Variants in SHISA6 observed in about 807,000 individuals in gnomAD.
SHISA6 encodes protein shisa-6.
In SHISA6, 22 loss-of-function variants were observed where a neutral mutation model predicts 47.9. The observed-to-expected ratio is 0.46, with a 90% CI of 0.33 to 0.66. SHISA6 has a LOEUF of 0.66. Ranked by LOEUF, SHISA6 falls within the 30% of genes least tolerant of loss-of-function variation. The pLI, the probability that SHISA6 is intolerant of heterozygous loss-of-function variation, is 0.02. For missense variants in SHISA6, 680 were observed against 764.6 expected, an observed-to-expected ratio of 0.89 and a Z score of 1.30; for synonymous variants, 388 against 337.8, an observed-to-expected ratio of 1.15 and a Z score of -1.63.
At chr17:11,253,467 A>G (rs904498133) in intron 1 of SHISA6, among the ~76,000 whole-genome samples, 8 of 152,182 alleles carry the variant, frequency 5.3e-5, no homozygotes, top group African/African-American at 1.4e-4. Context: ...TTAATTCCAA[A>G]TCATTCTTAT....
At chr17:11,260,309 T>C (rs1908180101) in intron 1 of SHISA6, among the ~76,000 whole-genome samples, 1 of 152,092 alleles carries the variant, frequency 6.6e-6, no homozygotes, top group South Asian at 2.1e-4. Context: ...TATCAGATAT[T>C]GCAGCAAAAA....
At chr17:11,524,428 A>G (rs973105809) in intron 3 of SHISA6, among the ~76,000 whole-genome samples, 2 of 152,108 alleles carry the variant, frequency 1.3e-5, no homozygotes, top group Non-Finnish European at 2.9e-5. Context: ...CAAGGTATTT[A>G]TCTAGGTAGT....
intron 2 of SHISA6, among the ~76,000 whole-genome samples, chr17:11,372,756 T>G (rs1912669608): frequency 6.6e-6 from 1 of 152,098 alleles, no homozygotes; most frequent in South Asian, 2.1e-4. Flanking sequence ...GTCTGTGGTA[T>G]ATTTTTCCAT....
intron 3 of SHISA6, among the ~76,000 whole-genome samples, chr17:11,495,526 T>C (rs1159715333): frequency 6.6e-6 from 1 of 152,140 alleles, no homozygotes; most frequent in African/African-American, 2.4e-5. Flanking sequence ...CTTCTGTTTG[T>C]TGCAATGCTG....
At chr17:11,429,881 C>T (rs1914704284) in intron 3 of SHISA6, among the ~76,000 whole-genome samples, 1 of 149,538 alleles carries the variant, frequency 6.7e-6, no homozygotes, top group Admixed American at 6.7e-5. Flanking sequence ...AAACAATAAA[C>T]TTTAAACTTT....
At chr17:11,430,936 A>C (rs1350685411) in intron 3 of SHISA6, among the ~76,000 whole-genome samples, 2 of 152,236 alleles carry the variant, frequency 1.3e-5, no homozygotes, top group African/African-American at 2.4e-5. Context: ...TCCTCACATC[A>C]GAGCAGCTTG....
intron 2 of SHISA6, among the ~76,000 whole-genome samples, chr17:11,294,029 G>T (rs1392944898): frequency 6.6e-6 from 1 of 152,060 alleles, no homozygotes; most frequent in African/African-American, 2.4e-5. Context: ...GGGACTACAG[G>T]TGCGCACCAC....
chr17:11,505,711 C>T (rs1008121094), intron 3 of SHISA6, among the ~76,000 whole-genome samples: 1 of 152,112 alleles, frequency 6.6e-6, no homozygotes, highest in African/African-American at 2.4e-5. Context: ...AAAATTAAGT[C>T]CCAGATGCAT....
chr17:11,265,801 T>C (rs747965755), intron 2 of SHISA6, among the ~76,000 whole-genome samples: 1 of 152,232 alleles, frequency 6.6e-6, no homozygotes. Context: ...GTGGACAGTC[T>C]GGATTTGCCC....
intron 2 of SHISA6, chr17:11,288,362 T>C (rs1441643448): frequency 6.6e-6 from 1 of 152,170 alleles, no homozygotes; most frequent in Admixed American, 6.5e-5. Flanking sequence ...AACAAAATTT[T>C]TTTCACACCT....
At chr17:11,498,671 T>C (rs930124316) in intron 3 of SHISA6, among the ~76,000 whole-genome samples, 2 of 151,588 alleles carry the variant, frequency 1.3e-5, no homozygotes, top group Non-Finnish European at 2.9e-5. Flanking sequence ...ACAATAATAA[T>C]AAAAAGAAGG....
At chr17:11,393,632 ACT>A (rs1016533918) in intron 3 of SHISA6, among the ~76,000 whole-genome samples, 3 of 151,864 alleles carry the variant, frequency 2.0e-5, no homozygotes, top group African/African-American at 7.3e-5. Flanking sequence ...ATTAACCCTA[ACT>A]CTTTGGAACA....
chr17:11,449,966 G>A (rs369823998), intron 3 of SHISA6, among the ~76,000 whole-genome samples: 3 of 152,290 alleles, frequency 2.0e-5, no homozygotes, highest in African/African-American at 2.4e-5. Context: ...CTCACTGCAA[G>A]CTCCGCCTCC....
In SHISA6 at chr17:11,558,960, C is replaced by T. The variant is rs1286641441; in HGVS notation, c.*656C>T. 1 of 153,364 alleles carries T rather than the reference C, an allele frequency of 6.5e-6. No individual in the cohort carries two copies. Among genetic ancestry groups the T allele is most frequent in the Non-Finnish European group, 1.5e-5 (1 of 68,564 alleles). 9.5% of individuals were successfully genotyped at this position (153,364 alleles called of 1,614,324 possible). The stretch of plus-strand genomic sequence containing the variant: ...CCTGGCCCTGTGCCCCTCCCCTCAA[C>T]TCCAGGACCAGGAGGGGTTCCCTTC... On this transcript the variant is annotated 3_prime_UTR_variant, in exon 6 of 6. Transcript: ENST00000441885.
chr17:11,558,012 A>G lies in SHISA6; in HGVS notation c.1364A>G (p.Gln455Arg). The G allele has an allele frequency of 6.4e-7, 1 of 1,551,572 alleles. No homozygotes were observed. Among genetic ancestry groups the G allele is most frequent in the Non-Finnish European group, 8.7e-7 (1 of 1,146,972 alleles). Residue 455 changes from glutamine (Q) to arginine (R), a missense_variant, in exon 6 of 6, where the codon CAG becomes CGG. Physicochemically the swap from Gln to Arg is conservative, Grantham distance 43. Around this residue, in one of 2 missense-constraint regions of SHISA6, gnomAD observed 559 missense variants for 674.1 expected, o/e 0.83. Transcript: ENST00000441885. ...CTCTCCACGGAGCGCCTGCACTCCC[A>G]GGACCCGCTGCTGTCCCCGGAGCGG... ...QLLSTERLHS[Q>R]DPLLSPERTA...
chr17:11,504,659 C>T (rs1298036112), intron 3 of SHISA6, among the ~76,000 whole-genome samples: 1 of 152,100 alleles, frequency 6.6e-6, no homozygotes, highest in Admixed American at 6.6e-5. Flanking sequence ...AATCCAAGGA[C>T]CTTGTAGCTT....
intron 2 of SHISA6, among the ~76,000 whole-genome samples, chr17:11,304,078 A>G (rs976273779): frequency 6.6e-6 from 1 of 152,188 alleles, no homozygotes; most frequent in Non-Finnish European, 1.5e-5. Context: ...CTAGGATAGA[A>G]GCCCTTTCCT....
At chr17:11,546,907 C>CAATA (rs1025753945) in intron 3 of SHISA6, among the ~76,000 whole-genome samples, 1 of 150,080 alleles carries the variant, frequency 6.7e-6, no homozygotes, top group Non-Finnish European at 1.5e-5. Flanking sequence ...CCAGCCTGGG[C>CAATA]AATAGAGCAA....
At chr17:11,277,280 TCACACA>T (rs113287260) in intron 2 of SHISA6, among the ~76,000 whole-genome samples, 964 of 53,768 alleles carry the variant, frequency 0.018, 8 homozygotes, top group African/African-American at 0.033. Flanking sequence ...TCTCTCTCTC[TCACACA>T]CACACACACA....
Sources: allele counts gnomAD v4.1 joint callset (sites outside exome capture counted in the v4.1 genomes callset), GRCh38; gene constraint gnomAD v4.1.1; regional missense constraint gnomAD v4.1.1; transcripts MANE v1.5; gene names NCBI Gene and HGNC (gene_info 2026-07-23, HGNC 2026-07-21).